The following ATP6V0A1 variants were observed in gnomAD, a reference collection of about 807,000 sequenced individuals.
The protein encoded by ATP6V0A1 is V-type proton ATPase 116 kDa subunit a 1.
A neutral mutation model predicts 105.4 loss-of-function variants in ATP6V0A1; 43 were observed. The observed-to-expected ratio is 0.41, with a 90% CI of 0.32 to 0.53. The LOEUF (loss-of-function observed/expected upper bound fraction) is 0.53, where lower values mean the gene tolerates loss of function less well. Ranked by LOEUF, ATP6V0A1 falls within the 20% of genes least tolerant of loss-of-function variation. ATP6V0A1 has a pLI of 0.30. For synonymous variants in ATP6V0A1, 362 were observed against 372.8 expected (o/e 0.97, Z 0.33); for missense variants, 676 against 1,051.1 (o/e 0.64, Z 4.93).
Position 42,495,642 on chromosome 17 carries a change from G to A in ATP6V0A1, c.1486G>A (p.Gly496Arg). ...TCATGGTAGTGAAGAGACGCTTCGG[G>A]GGAACCCTGTTCTACAGCTGAACCC... ...TYNWTEETLR[G>R]NPVLQLNPAL... The change falls in exon 14 of 22, where the codon GGG becomes AGG. Residue 496 changes from glycine to arginine, a missense_variant. Transcript: ENST00000343619. 1.2e-6 allele frequency: 2 copies of A among 1,613,676 alleles called. No individual in the cohort carries two copies.
Position 42,487,180 on chromosome 17 carries a change from G to A in ATP6V0A1, c.836G>A (p.Arg279His), listed in dbSNP as rs780783054. Residue 279 changes from arginine (R) to histidine (H), a missense_variant, in exon 10 of 22, where the codon CGC becomes CAC. By Grantham distance (29) the Arg-to-His change is conservative. Coordinates refer to ENST00000343619, the MANE Select transcript of ATP6V0A1 (RefSeq NM_001130021.3). ...QMVLNQTEDH[R>H]QRVLQAAAKN... ...GTTCTGAATCAAACGGAGGATCACCGCCAGAGGGTTCTGCAGGCAGCTGCT... is the reference window on the plus strand; with the variant it reads ...GTTCTGAATCAAACGGAGGATCACCACCAGAGGGTTCTGCAGGCAGCTGCT... The A allele has an allele frequency of 8.1e-6, 13 of 1,613,974 alleles. No homozygotes were observed. The highest frequency in any genetic ancestry group is 7.7e-5 in the South Asian group (7 of 91,086).
At chr17:42,505,077 C>T (rs2091932353) in intron 17 of ATP6V0A1, among the ~76,000 whole-genome samples, 1 of 151,360 alleles carries the variant, frequency 6.6e-6, no homozygotes, top group African/African-American at 2.4e-5. Context: ...TGATCTGTCA[C>T]CCAGCTGTAG....
intron 5 of ATP6V0A1, among the ~76,000 whole-genome samples, chr17:42,474,185 T>C (rs2145774110): frequency 6.6e-6 from 1 of 152,106 alleles, no homozygotes; most frequent in African/African-American, 2.4e-5. Context: ...GTAGTTTTAG[T>C]AGAGACGGGC....
intron 5 of ATP6V0A1, among the ~76,000 whole-genome samples, chr17:42,474,236 C>T (rs1404843525): frequency 3.3e-5 from 5 of 151,880 alleles, no homozygotes; most frequent in African/African-American, 9.7e-5. Context: ...ACTCTGACCT[C>T]GTGATCTAGC....
chr17:42,521,128 T>G lies in ATP6V0A1; in HGVS notation c.*8T>G. 6.2e-7 allele frequency: 1 copy of G among 1,600,330 alleles called. No homozygotes were observed. The highest frequency in any genetic ancestry group is 2.3e-5 in the East Asian group (1 of 44,100). ...GGGAAGTTTGAAGAGTGAGTCCCTG[T>G]GAGGGCCGTGTGCCCCATGCTACCC... On this transcript the variant is annotated 3_prime_UTR_variant, in exon 22 of 22. Transcript: ENST00000343619. This position sits in a 1 kb window ranked among gnomAD's most constrained non-coding sequence, Gnocchi z 4.8.
Position 42,499,425 on chromosome 17 carries a change from G to A in ATP6V0A1, c.1679+383G>A, listed in dbSNP as rs146948146. ...GGCAGAGGTCGCAGTGAGACAAGAT[G>A]GCACCACTGCACTCCAGCCTGAGCG... On this transcript the variant is annotated intron_variant, in intron 15 of 21. Transcript: ENST00000343619. 2.9e-3 allele frequency among the ~76,000 whole-genome samples: 430 copies of A among 149,298 alleles called. 3 individuals carry two copies. The highest frequency in any genetic ancestry group is 0.01 in the African/African-American group (411 of 40,530).
chr17:42,467,236 A>G (rs1206061577), intron 3 of ATP6V0A1, among the ~76,000 whole-genome samples: 1 of 152,210 alleles, frequency 6.6e-6, no homozygotes, highest in East Asian at 1.9e-4. Flanking sequence ...ATTCTCCACA[A>G]CATTCCTTCA....
chr17:42,506,080 G>A (rs1429153018), intron 17 of ATP6V0A1, among the ~76,000 whole-genome samples: 5 of 152,120 alleles, frequency 3.3e-5, no homozygotes, highest in African/African-American at 7.2e-5. Flanking sequence ...GAGCCACCGC[G>A]CCCAGCCCCT....
intron 3 of ATP6V0A1, 41 bp downstream of exon 3, chr17:42,466,548 T>C (rs568585054): frequency 9.3e-5 from 141 of 1,523,566 alleles, no homozygotes; most frequent in Admixed American, 4.5e-4. Flanking sequence ...CTTTAATGAA[T>C]CATTTGTCTT....
At chr17:42,497,029 C>T (rs944389212) in intron 14 of ATP6V0A1, among the ~76,000 whole-genome samples, 4 of 151,044 alleles carry the variant, frequency 2.6e-5, no homozygotes, top group Admixed American at 6.6e-5. Flanking sequence ...AAGCCAGGCA[C>T]GGTGGCTCAC....
intron 11 of ATP6V0A1, among the ~76,000 whole-genome samples, chr17:42,492,958 T>C (rs1031373466): frequency 6.6e-6 from 1 of 151,678 alleles, no homozygotes; most frequent in African/African-American, 2.4e-5. Flanking sequence ...ACAGAAGTTA[T>C]AGTGAGCCTA....
Position 42,468,094 on chromosome 17 carries a change from T to G in ATP6V0A1, c.281T>G (p.Met94Arg). 6.3e-7 allele frequency: 1 copy of G among 1,593,962 alleles called. No individual in the cohort carries two copies. Among genetic ancestry groups the G allele is most frequent in the Non-Finnish European group, 8.6e-7 (1 of 1,169,058 alleles). Residue 94 changes from methionine (M) to arginine (R), a missense_variant, in exon 4 of 22, where the codon ATG becomes AGG. Physicochemically the swap from Met to Arg is moderately conservative, Grantham distance 91 (BLOSUM62 -1). This residue lies in a region of ATP6V0A1 where 239 missense variants were observed against 388.4 expected (regional missense o/e 0.62). Coordinates refer to ENST00000343619, the MANE Select transcript of ATP6V0A1 (RefSeq NM_001130021.3). ...CCAGAGGTTCCCTTCCCCCGGGACA[T>G]GATTGACTTAGAGGTAAACACTTCT... is the stretch of plus-strand genomic sequence containing the variant. ...ENPEVPFPRD[M>R]IDLEANFEKI... is the part of the protein sequence containing the mutation.
intron 14 of ATP6V0A1, among the ~76,000 whole-genome samples, chr17:42,497,603 G>A (rs1163831456): frequency 1.3e-5 from 2 of 151,524 alleles, no homozygotes; most frequent in East Asian, 3.9e-4. Flanking sequence ...AACCCAGGAG[G>A]CAGAGGTTGT....
chr17:42,468,737 A>G (rs2087447638), intron 4 of ATP6V0A1, among the ~76,000 whole-genome samples: 1 of 152,206 alleles, frequency 6.6e-6, no homozygotes, highest in African/African-American at 2.4e-5. Context: ...TGGCCAGACC[A>G]TATGAATCCC....
rs559624135 is a variant in ATP6V0A1 at position 42,509,227 on chromosome 17, C to T, written c.2130+638C>T. On this transcript the variant is annotated intron_variant, in intron 19 of 21. Transcript: ENST00000343619. ...TGAAAGGAGTTCATATTATATCAGC[C>T]ACATAGAGAATAACGGAGACTGGAA... Among the ~76,000 whole-genome samples the T allele has an allele frequency of 3.3e-5, 5 of 152,200 alleles. No individual in the cohort carries two copies. The East Asian group carries it at 7.7e-4, about 23-fold the overall frequency.
At chr17:42,505,288 C>A (rs923210760) in intron 17 of ATP6V0A1, among the ~76,000 whole-genome samples, 1 of 152,234 alleles carries the variant, frequency 6.6e-6, no homozygotes, top group African/African-American at 2.4e-5. Context: ...TCACTACAAC[C>A]TCCGCCTCCC....
At chr17:42,483,243 C>CA in intron 9 of ATP6V0A1, 112 bp downstream of exon 9, 2 of 744,932 alleles carry the variant, frequency 2.7e-6, no homozygotes, top group Non-Finnish European at 1.9e-6. Flanking sequence ...ACCAGGATAC[C>CA]AAAAAAAGAA....
chr17:42,461,704 G>T (rs2086424078), intron 2 of ATP6V0A1, among the ~76,000 whole-genome samples: 1 of 152,202 alleles, frequency 6.6e-6, no homozygotes, highest in Non-Finnish European at 1.5e-5. Flanking sequence ...CTGGGAGGCG[G>T]AGGTTGCAGT....
rs571040212 is a variant in ATP6V0A1, at chr17:42,481,675, G to A, written c.716+926G>A. ...CCTGGCCAACTTAGTGAGACCCCATGTCTATAAAAAACTAAAAACTGAAAA... is the reference window on the plus strand; with the variant it reads ...CCTGGCCAACTTAGTGAGACCCCATATCTATAAAAAACTAAAAACTGAAAA... On this transcript the variant is annotated intron_variant, in intron 8 of 21. Coordinates refer to ENST00000343619, the MANE Select transcript of ATP6V0A1 (RefSeq NM_001130021.3). Among the ~76,000 whole-genome samples, 4 of 151,996 alleles carry A rather than the reference G, an allele frequency of 2.6e-5. No individual in the cohort carries two copies. The East Asian group carries it at 7.7e-4, about 29-fold the overall frequency.
Sources: allele counts gnomAD v4.1 joint callset (sites outside exome capture counted in the v4.1 genomes callset), GRCh38; gene constraint gnomAD v4.1.1; regional missense constraint gnomAD v4.1.1; non-coding constraint Gnocchi (gnomAD v3.1); transcripts MANE v1.5; gene names NCBI Gene and HGNC (gene_info 2026-07-23, HGNC 2026-07-21).